SVEP1: variants seen among roughly 807,000 people sequenced by gnomAD.
The protein encoded by SVEP1 is sushi, von Willebrand factor type A, EGF and pentraxin domain containing 1.
A neutral mutation model predicts 367.3 loss-of-function variants in SVEP1; 164 were observed. The observed-to-expected ratio is 0.45, with a 90% CI of 0.39 to 0.51. The LOEUF (loss-of-function observed/expected upper bound fraction) is 0.51. Ranked by LOEUF, SVEP1 falls within the 20% of genes least tolerant of loss-of-function variation. The pLI, the probability that SVEP1 is intolerant of heterozygous loss-of-function variation, is 0.00. For synonymous variants in SVEP1, 1,666 were observed against 1,611.6 expected, an observed-to-expected ratio of 1.03 and a Z score of -0.81; for missense variants, 4,117 against 4,425.3, an observed-to-expected ratio of 0.93 and a Z score of 1.98.
chr9:110,501,556 A>C (rs1829530221), intron 6 of SVEP1, among the ~76,000 whole-genome samples: 1 of 152,224 alleles, frequency 6.6e-6, no homozygotes, highest in Admixed American at 6.5e-5. Context: ...TTCAATCCCA[A>C]TATCTCTAAT....
chr9:110,506,514 G>A (rs930736556), intron 5 of SVEP1, among the ~76,000 whole-genome samples: 6 of 151,952 alleles, frequency 3.9e-5, no homozygotes, highest in African/African-American at 1.2e-4. Flanking sequence ...TCTAGACCTC[G>A]CTGTCACCAA....
chr9:110,531,499 C>T (rs554620308), intron 3 of SVEP1, among the ~76,000 whole-genome samples: 2 of 152,206 alleles, frequency 1.3e-5, no homozygotes, highest in South Asian at 4.1e-4. Flanking sequence ...AGAGGATTTC[C>T]CTGCATTTGC....
chr9:110,472,834 G>C (rs1262820301), intron 14 of SVEP1, among the ~76,000 whole-genome samples: 1 of 152,146 alleles, frequency 6.6e-6, no homozygotes, highest in Non-Finnish European at 1.5e-5. Context: ...TAAGTTAAAT[G>C]ATTCTATCAT....
rs185625446 is a variant in SVEP1, at chr9:110,375,503, G to T, written c.10505-40C>A. 8.3e-4 allele frequency: 1,236 copies of T among 1,489,088 alleles called. 17 individuals are homozygous for T. In the African/African-American group the frequency reaches 0.016, roughly 19 times the overall value. 92.2% of individuals were successfully genotyped at this position (1,489,088 alleles called of 1,614,324 possible). A position where few individuals can be genotyped will look rare whatever the true frequency, so the allele number is the denominator to read the frequency against. ...AAAAAAAAAAAAAGGAGGCAGGGGG[G>T]ATTGAAATGGCGTTGATCAAAGTAC... On this transcript the variant is annotated intron_variant, in intron 45 of 47. Transcript: ENST00000374469.
At chr9:110,369,783 G>T in intron 47 of SVEP1, 140 bp downstream of exon 47, 1 of 655,344 alleles carries the variant, frequency 1.5e-6, no homozygotes, top group Non-Finnish European at 2.5e-6. Context: ...AATTTAGAGA[G>T]CCTGTCTCAA....
rs754278812 is a variant in SVEP1 at position 110,408,570 on chromosome 9, C to G, written c.7030G>C (p.Val2344Leu). The G allele has an allele frequency of 6.2e-7, 1 of 1,613,978 alleles. No homozygotes were observed. Among genetic ancestry groups the G allele is most frequent in the East Asian group, 2.2e-5 (1 of 44,884 alleles). ...VLKELTTEVG[V>L]VTFSCKEGHV... ...CCTTCTTTACAGGAAAATGTCACAA[C>G]TCCTACCTCGGTGGTCAACTCCTTT... The change falls in exon 38 of 48, where the codon GTT becomes CTT. Residue 2344 changes from valine to leucine, a missense_variant. Transcript: ENST00000374469.
At chr9:110,458,584 A>T (rs1440011031) in intron 19 of SVEP1, 22 bp from the exon 20 acceptor site, 1 of 1,591,732 alleles carries the variant, frequency 6.3e-7, no homozygotes, top group Non-Finnish European at 8.6e-7. Context: ...ATAGAAAAAC[A>T]TGTCAGTGTG....
chr9:110,487,819 G>T (rs61186077), intron 9 of SVEP1, among the ~76,000 whole-genome samples: 1,867 of 152,154 alleles, frequency 0.012, 32 homozygotes, highest in African/African-American at 0.042. Flanking sequence ...TTTACTTTTG[G>T]ATAAAGAAAT....
chr9:110,401,384 A>G lies in SVEP1; in HGVS notation c.9667-375T>C, dbSNP rs186585033. 1.5e-4 allele frequency among the ~76,000 whole-genome samples: 23 copies of G among 152,158 alleles called. No individual in the cohort carries two copies. The East Asian group carries it at 2.9e-3, about 19-fold the overall frequency. On this transcript the variant is annotated intron_variant, in intron 39 of 47. Coordinates refer to ENST00000374469, the MANE Select transcript of SVEP1 (RefSeq NM_153366.4). ...ATGCACTCTTAAATTTCAAGATTCT[A>G]TATTTTATAATAAAGTTTATGAGAA...
chr9:110,390,267 A>G (rs1361227445), intron 40 of SVEP1, among the ~76,000 whole-genome samples: 1 of 112,500 alleles, frequency 8.9e-6, no homozygotes, highest in Non-Finnish European at 1.8e-5. Context: ...AAGTATGTAT[A>G]TATATACTTA....
chr9:110,427,207 A>C (rs528064864), intron 36 of SVEP1, among the ~76,000 whole-genome samples: 21 of 149,168 alleles, frequency 1.4e-4, no homozygotes, highest in Admixed American at 1.1e-3. Context: ...CTGAGGCATG[A>C]GAATTGCTTG....
chr9:110,462,449 T>C (rs1030131942), intron 18 of SVEP1, among the ~76,000 whole-genome samples: 2 of 151,452 alleles, frequency 1.3e-5, no homozygotes, highest in Non-Finnish European at 2.9e-5. Flanking sequence ...TTTAATAGAG[T>C]ATTTATATAT....
At chr9:110,468,839 A>G (rs1217300103) in intron 17 of SVEP1, 101 bp downstream of exon 17, 3 of 1,213,310 alleles carry the variant, frequency 2.5e-6, no homozygotes, top group Non-Finnish European at 3.3e-6. Flanking sequence ...GGGGCCTCAG[A>G]CAAGAGCCGA....
chr9:110,390,789 G>C (rs1564127784), intron 40 of SVEP1, among the ~76,000 whole-genome samples: 1 of 151,834 alleles, frequency 6.6e-6, no homozygotes, highest in Non-Finnish European at 1.5e-5. Context: ...TGTGAGAACA[G>C]GTATTTGCAT....
At chr9:110,556,509 T>C (rs902433338) in intron 1 of SVEP1, among the ~76,000 whole-genome samples, 9 of 152,222 alleles carry the variant, frequency 5.9e-5, no homozygotes, top group Non-Finnish European at 1.5e-5. Flanking sequence ...TGTTCTGTTT[T>C]TTTGAGACAA....
intron 27 of SVEP1, among the ~76,000 whole-genome samples, chr9:110,438,177 ATTTTTT>A (rs10593866): frequency 3.3e-4 from 25 of 75,550 alleles, no homozygotes; most frequent in Non-Finnish European, 4.1e-4. Context: ...TAGTTATGCT[ATTTTTT>A]TTTTTTTTTT....
intron 46 of SVEP1, among the ~76,000 whole-genome samples, chr9:110,374,154 A>C (rs1391902589): frequency 6.6e-6 from 1 of 151,946 alleles, no homozygotes; most frequent in Non-Finnish European, 1.5e-5. Flanking sequence ...CCTTCCTCCC[A>C]CCCTCTACCC....
At position 110,505,902 on chromosome 9, in the gene SVEP1, G is replaced by C. The variant is rs560817486; in HGVS notation, c.1304-2685C>G. 4.0e-5 allele frequency among the ~76,000 whole-genome samples: 6 copies of C among 151,672 alleles called. No homozygotes were observed. In the South Asian group the frequency reaches 1.3e-3, roughly 32 times the overall value. ...GTTACATAGGTATACACATGTTATG[G>C]TGGTTTGCTGTACCCATCAACCTGT... On this transcript the variant is annotated intron_variant, in intron 5 of 47. Transcript: ENST00000374469.
chr9:110,369,668 G>A, intron 47 of SVEP1: 1 of 368,012 alleles, frequency 2.7e-6, no homozygotes, highest in Non-Finnish European at 4.9e-6. Context: ...TGAAGTTCCA[G>A]TTTTAGTATA....
Sources: gnomAD v4.1 joint callset for allele counts (sites outside exome capture counted in the v4.1 genomes callset) on GRCh38, gnomAD v4.1.1 for gene constraint, MANE v1.5 for transcripts, NCBI Gene and HGNC (gene_info 2026-07-23, HGNC 2026-07-21) for gene names.